Variants in ALK observed in about 807,000 individuals in gnomAD.
The protein encoded by ALK is ALK tyrosine kinase receptor.
A neutral mutation model predicts 163.1 loss-of-function variants in ALK; 74 were observed. That is an observed-to-expected ratio of 0.45 (90% CI 0.38 to 0.55). The LOEUF is 0.55. ALK is among the 20% of genes least tolerant of loss of function. The pLI is 0.00. For missense variants in ALK, 2,063 were observed against 2,105.3 expected (o/e 0.98, Z 0.39); for synonymous variants, 960 against 843.2 (o/e 1.14, Z -2.40).
At chr2:29,825,666 T>C (rs1665176214) in intron 1 of ALK, among the ~76,000 whole-genome samples, 2 of 152,112 alleles carry the variant, frequency 1.3e-5, no homozygotes, top group African/African-American at 4.8e-5. Flanking sequence ...ATTTTATGCA[T>C]GATTGTGATA....
intron 3 of ALK, among the ~76,000 whole-genome samples, chr2:29,545,640 C>G (rs537899590): frequency 1.3e-5 from 2 of 152,306 alleles, no homozygotes; most frequent in East Asian, 3.9e-4. Flanking sequence ...TGCACTTTTA[C>G]TGTCTCCCTC....
intron 1 of ALK, among the ~76,000 whole-genome samples, chr2:29,794,737 C>T (rs754689382): frequency 5.9e-5 from 9 of 152,190 alleles, no homozygotes; most frequent in South Asian, 2.1e-4. Flanking sequence ...TGAATAACTT[C>T]GCCACCTTAT....
chr2:29,864,992 AG>A (rs1428578799), intron 1 of ALK, among the ~76,000 whole-genome samples: 1 of 152,234 alleles, frequency 6.6e-6, no homozygotes, highest in Non-Finnish European at 1.5e-5. Flanking sequence ...ATGTCAGCCA[AG>A]ACCTCTCAGC....
chr2:29,601,895 A>C (rs1675388905), intron 3 of ALK, among the ~76,000 whole-genome samples: 1 of 151,926 alleles, frequency 6.6e-6, no homozygotes, highest in South Asian at 2.1e-4. Context: ...TGAGAGAAGC[A>C]TGTTCAAGCT....
intron 13 of ALK, 107 bp from the exon 14 acceptor site, chr2:29,233,803 A>C: frequency 1.3e-6 from 2 of 1,498,534 alleles, no homozygotes; most frequent in Non-Finnish European, 9.2e-7. Context: ...TCTCTCAAAA[A>C]ACTTACAGTT....
intron 1 of ALK, among the ~76,000 whole-genome samples, chr2:29,794,083 G>A (rs893214366): frequency 6.6e-6 from 1 of 152,124 alleles, no homozygotes; most frequent in African/African-American, 2.4e-5. Context: ...GTTTAGTGTA[G>A]CCACCTTCAT....
rs923258067 is a variant in ALK at position 29,641,178 on chromosome 2, G to A, written c.952+53672C>T. On this transcript the variant is annotated intron_variant, in intron 3 of 28. Transcript: ENST00000389048. ...AAAATAAATAGGCAGATATTGGCAG[G>A]TTTCAAGCAAGGGAATTTTAATGCC... Among the ~76,000 whole-genome samples, 3 of 152,130 alleles carry A rather than the reference G, an allele frequency of 2.0e-5. No homozygotes were observed. In the East Asian group the frequency reaches 5.8e-4, roughly 29 times the overall value.
chr2:29,534,970 G>A (rs1673215164), intron 3 of ALK, among the ~76,000 whole-genome samples: 1 of 152,214 alleles, frequency 6.6e-6, no homozygotes, highest in Admixed American at 6.5e-5. Context: ...CTATAGTTGA[G>A]AGCTATCTCT....
intron 8 of ALK, among the ~76,000 whole-genome samples, chr2:29,315,140 C>T (rs1019611477): frequency 2.0e-5 from 3 of 152,026 alleles, no homozygotes; most frequent in Admixed American, 6.5e-5. Flanking sequence ...AAAACCACAG[C>T]GTTCTTTCTT....
At chr2:29,749,347 T>TCAACC in intron 1 of ALK, among the ~76,000 whole-genome samples, 1 of 152,334 alleles carries the variant, frequency 6.6e-6, no homozygotes, top group East Asian at 1.9e-4. Context: ...GAGGAGCTTT[T>TCAACC]CAACCCACAC....
chr2:29,387,804 G>A lies in ALK; in HGVS notation c.1155-3945C>T, dbSNP rs1187322073. On this transcript the variant is annotated intron_variant, in intron 4 of 28. Coordinates refer to ENST00000389048, the MANE Select transcript of ALK (RefSeq NM_004304.5). ...AAGACTCAGTTTCACCCTCCTTGGAGAAGTGAAGTCTTGCTCAAGGTCACA... is the reference window on the plus strand; with the variant it reads ...AAGACTCAGTTTCACCCTCCTTGGAAAAGTGAAGTCTTGCTCAAGGTCACA... Among the ~76,000 whole-genome samples the A allele has an allele frequency of 1.2e-4, 18 of 152,282 alleles. No individual in the cohort carries two copies. In the South Asian group the frequency reaches 3.5e-3, roughly 30 times the overall value.
At chr2:29,310,645 G>A (rs1005052901) in intron 8 of ALK, among the ~76,000 whole-genome samples, 4 of 152,320 alleles carry the variant, frequency 2.6e-5, no homozygotes, top group South Asian at 2.1e-4. Context: ...CTATCTCCCC[G>A]CATGGCTGGC....
intron 3 of ALK, among the ~76,000 whole-genome samples, chr2:29,615,618 G>C (rs1558409286): frequency 6.6e-6 from 1 of 152,126 alleles, no homozygotes; most frequent in Non-Finnish European, 1.5e-5. Flanking sequence ...TATTTGCCCT[G>C]TGCCCACTAC....
Position 29,888,264 on chromosome 2 carries a change from A to ATTTTTTTTTTTTTTT in ALK, c.667+31728_667+31729insAAAAAAAAAAAAAAA, listed in dbSNP as rs1401782243. 2.8e-5 allele frequency among the ~76,000 whole-genome samples: 4 copies of ATTTTTTTTTTTTTTT among 142,288 alleles called. 1 individual carries two copies. Among genetic ancestry groups the ATTTTTTTTTTTTTTT allele is most frequent in the African/African-American group, 5.3e-5 (2 of 37,684 alleles). The allele number at this position is 142,288 out of a possible 152,430, so 93.3% of individuals were successfully genotyped here. A position where few individuals can be genotyped will look rare whatever the true frequency, so the allele number is the denominator to read the frequency against. ...ATAAATTGTTTTTTTTTTTTTTTAA[A>ATTTTTTTTTTTTTTT]AAAAGGGAAACTATGTATTAAGCTA... On this transcript the variant is annotated intron_variant, in intron 1 of 28. Transcript: ENST00000389048.
At chr2:29,674,454 T>C (rs1344078990) in intron 3 of ALK, among the ~76,000 whole-genome samples, 5 of 149,828 alleles carry the variant, frequency 3.3e-5, no homozygotes, top group Non-Finnish European at 7.5e-5. Flanking sequence ...TGTCTTTGGC[T>C]CTGTTTATAT....
chr2:29,800,965 C>T (rs567370440), intron 1 of ALK, among the ~76,000 whole-genome samples: 1 of 152,278 alleles, frequency 6.6e-6, no homozygotes, highest in Admixed American at 6.5e-5. Context: ...GCTGGCCTCC[C>T]CTCTCTCACC....
intron 5 of ALK, among the ~76,000 whole-genome samples, chr2:29,346,732 G>A (rs1471337592): frequency 1.3e-5 from 2 of 152,174 alleles, no homozygotes; most frequent in Non-Finnish European, 2.9e-5. Flanking sequence ...GGATTTACTG[G>A]CTCAGGGGTA....
Position 29,246,824 on chromosome 2 carries a change from TC to T in ALK, c.2204+4280del, listed in dbSNP as rs1664686404. ...GACAGTGACTCCCTTCCAACTGCTCTCCCCACCTCCAGGCCGTTTCTCTCAC... is the reference window on the plus strand; with the variant it reads ...GACAGTGACTCCCTTCCAACTGCTCTCCCACCTCCAGGCCGTTTCTCTCAC... On this transcript the variant is annotated intron_variant, in intron 12 of 28. Transcript: ENST00000389048. This position sits in a 1 kb window ranked among gnomAD's most constrained non-coding sequence, Gnocchi z 4.3. Among the ~76,000 whole-genome samples the T allele has an allele frequency of 6.6e-6, 1 of 152,066 alleles. No homozygotes were observed. The highest frequency in any genetic ancestry group is 6.6e-5 in the Admixed American group (1 of 15,266).
At position 29,320,839 on chromosome 2, in the gene ALK, G is replaced by A. The variant is rs1667015627; in HGVS notation, c.1458C>T (p.Phe486=). The change falls in exon 7 of 29, where the codon TTC becomes TTT. Residue 486 remains phenylalanine, a synonymous_variant. Coordinates refer to ENST00000389048, the MANE Select transcript of ALK (RefSeq NM_004304.5). ...ACAGTGTGCCTTGGGTCCAGCCACAGAAGCCATCTTCAAAGTTGCAGTAAA... is the reference window on the plus strand; with the variant it reads ...ACAGTGTGCCTTGGGTCCAGCCACAAAAGCCATCTTCAAAGTTGCAGTAAA... The part of the protein sequence containing the change: ...VGFYCNFEDG[F]CGWTQGTLSP... 6 of 1,614,192 alleles carry A rather than the reference G, an allele frequency of 3.7e-6. No homozygotes were observed. Among genetic ancestry groups the A allele is most frequent in the Non-Finnish European group, 4.2e-6 (5 of 1,180,022 alleles).
Sources: allele counts gnomAD v4.1 joint callset (sites outside exome capture counted in the v4.1 genomes callset), GRCh38; gene constraint gnomAD v4.1.1; non-coding constraint Gnocchi (gnomAD v3.1); transcripts MANE v1.5; gene names NCBI Gene and HGNC (gene_info 2026-07-23, HGNC 2026-07-21).